Variants in PTPRD observed in about 807,000 individuals in gnomAD.
PTPRD encodes the protein receptor-type tyrosine-protein phosphatase delta.
Under a neutral mutation model 214.5 loss-of-function variants are expected in PTPRD, and 34 were observed. The observed-to-expected ratio is 0.16, with a 90% CI of 0.12 to 0.21. PTPRD has a LOEUF of 0.21. PTPRD is among the 10% of genes least tolerant of loss of function. PTPRD has a pLI of 1.00. For missense variants in PTPRD, 2,545 were observed against 2,398.7 expected (o/e 1.06, Z -1.27); for synonymous variants, 1,128 against 845.7 (o/e 1.33, Z -5.79).
chr9:9,539,469 T>C (rs1289127036), intron 8 of PTPRD, among the ~76,000 whole-genome samples: 1 of 151,882 alleles, frequency 6.6e-6, no homozygotes, highest in Non-Finnish European at 1.5e-5. Flanking sequence ...TGAGCTGATC[T>C]TTGGGGGTCC....
intron 5 of PTPRD, among the ~76,000 whole-genome samples, chr9:9,840,710 C>T (rs2058081051): frequency 7.9e-6 from 1 of 126,002 alleles, no homozygotes; most frequent in Admixed American, 1.1e-4. Context: ...TTGCATTGAG[C>T]CAAGATGGCA....
chr9:9,543,170 A>G (rs537840623), intron 8 of PTPRD, among the ~76,000 whole-genome samples: 114 of 151,842 alleles, frequency 7.5e-4, no homozygotes, highest in African/African-American at 2.6e-3. Context: ...AGACTCAAAA[A>G]CATTTTGTTG....
intron 3 of PTPRD, among the ~76,000 whole-genome samples, chr9:10,156,101 T>C (rs1432052736): frequency 6.6e-6 from 1 of 150,990 alleles, no homozygotes; most frequent in African/African-American, 2.4e-5. Context: ...TGTGTGTGTG[T>C]GTGTGTGTGT....
intron 8 of PTPRD, among the ~76,000 whole-genome samples, chr9:9,447,347 G>A (rs1322789052): frequency 6.6e-6 from 1 of 152,070 alleles, no homozygotes; most frequent in Non-Finnish European, 1.5e-5. Flanking sequence ...TAAAAAATGA[G>A]ATCATGTCCT....
At chr9:9,355,754 G>C (rs536342426) in intron 9 of PTPRD, among the ~76,000 whole-genome samples, 250 of 151,542 alleles carry the variant, frequency 1.6e-3, no homozygotes, top group African/African-American at 5.9e-3. Flanking sequence ...ACAAGGGAGA[G>C]AATCAAGGTA....
intron 7 of PTPRD, among the ~76,000 whole-genome samples, chr9:9,719,725 C>T (rs944632402): frequency 1.3e-5 from 2 of 152,194 alleles, no homozygotes; most frequent in African/African-American, 4.8e-5. Flanking sequence ...CAGGGCTCCC[C>T]ATGTCAGGGC....
intron 34 of PTPRD, among the ~76,000 whole-genome samples, chr9:8,444,054 T>C (rs2095638545): frequency 6.6e-6 from 1 of 152,238 alleles, no homozygotes; most frequent in East Asian, 1.9e-4. Flanking sequence ...GGTCTCTCTA[T>C]CAAAATGGTA....
intron 17 of PTPRD, among the ~76,000 whole-genome samples, chr9:8,526,421 G>T (rs1374165945): frequency 6.7e-6 from 1 of 149,558 alleles, no homozygotes; most frequent in Non-Finnish European, 1.5e-5. Flanking sequence ...CATAAAGAAA[G>T]AAATGAACAA....
intron 11 of PTPRD, among the ~76,000 whole-genome samples, chr9:8,850,834 A>G (rs2097794552): frequency 6.6e-6 from 1 of 152,240 alleles, no homozygotes; most frequent in African/African-American, 2.4e-5. Context: ...CTACTTGTGT[A>G]GTAAGAAATC....
At chr9:8,826,685 C>G (rs936999331) in intron 11 of PTPRD, among the ~76,000 whole-genome samples, 7 of 149,646 alleles carry the variant, frequency 4.7e-5, no homozygotes, top group Non-Finnish European at 1.0e-4. Context: ...TGTATTCATC[C>G]ATTATTTTAC....
intron 8 of PTPRD, among the ~76,000 whole-genome samples, chr9:9,438,654 C>T (rs1336039995): frequency 6.6e-6 from 1 of 152,134 alleles, no homozygotes; most frequent in Non-Finnish European, 1.5e-5. Flanking sequence ...TAATTATTCA[C>T]TATGACTACT....
At chr9:9,990,504 G>A (rs1374145511) in intron 4 of PTPRD, among the ~76,000 whole-genome samples, 3 of 152,186 alleles carry the variant, frequency 2.0e-5, no homozygotes, top group African/African-American at 7.2e-5. Flanking sequence ...GCCCATTCCA[G>A]GCATGACTGT....
chr9:8,404,408 C>T (rs1219457535), intron 36 of PTPRD, 129 bp downstream of exon 36: 17 of 1,261,878 alleles, frequency 1.3e-5, no homozygotes, highest in Non-Finnish European at 1.7e-5. Context: ...GGATTACAGG[C>T]GTGAGCCACC....
At chr9:8,895,007 T>G (rs1445795887) in intron 11 of PTPRD, among the ~76,000 whole-genome samples, 1 of 152,194 alleles carries the variant, frequency 6.6e-6, no homozygotes, top group Non-Finnish European at 1.5e-5. Flanking sequence ...AGTGCTGTCT[T>G]TTGCATATAT....
At chr9:8,404,338 A>G (rs1337451252) in intron 36 of PTPRD, among the ~76,000 whole-genome samples, 199 bp downstream of exon 36, 1 of 152,186 alleles carries the variant, frequency 6.6e-6, no homozygotes, top group Non-Finnish European at 1.5e-5. Flanking sequence ...CATGTTGGCC[A>G]GGCTGGTCTC....
chr9:9,234,260 G>T (rs963971681), intron 9 of PTPRD, among the ~76,000 whole-genome samples: 1 of 152,216 alleles, frequency 6.6e-6, no homozygotes, highest in East Asian at 1.9e-4. Context: ...CATGTCCCAT[G>T]CTATACCTTG....
At chr9:9,514,199 A>G (rs1447742439) in intron 8 of PTPRD, among the ~76,000 whole-genome samples, 1 of 152,046 alleles carries the variant, frequency 6.6e-6, no homozygotes, top group Non-Finnish European at 1.5e-5. Context: ...TCTCCCCTGG[A>G]ATAAAATTTC....
chr9:10,587,783 C>A (rs1419939554), intron 2 of PTPRD, among the ~76,000 whole-genome samples: 1 of 152,016 alleles, frequency 6.6e-6, no homozygotes, highest in African/African-American at 2.4e-5. Flanking sequence ...TCTATTCCCT[C>A]CACACTTTAG....
chr9:8,556,016 C>A (rs150644867), intron 14 of PTPRD, among the ~76,000 whole-genome samples: 180 of 152,208 alleles, frequency 1.2e-3, no homozygotes, highest in African/African-American at 4.2e-3. Flanking sequence ...TGTGTCTTGG[C>A]GGATCTGGAA....
Sources: allele counts gnomAD v4.1 joint callset (sites outside exome capture counted in the v4.1 genomes callset), GRCh38; gene constraint gnomAD v4.1.1; transcripts MANE v1.5; gene names NCBI Gene and HGNC (gene_info 2026-07-23, HGNC 2026-07-21).